STPG2: variants seen among roughly 807,000 people sequenced by gnomAD.
STPG2 encodes the protein sperm tail PG-rich repeat containing 2.
A neutral mutation model predicts 54.2 loss-of-function variants in STPG2; 56 were observed. The observed-to-expected ratio is 1.03, with a 90% CI of 0.83 to 1.29. The LOEUF (loss-of-function observed/expected upper bound fraction) is 1.29, where lower values mean the gene tolerates loss of function less well. STPG2 is among the 50% of genes most tolerant of loss of function. STPG2 has a pLI of 0.00. For missense variants in STPG2, 596 were observed against 544.9 expected (o/e 1.09, Z -0.93); for synonymous variants, 200 against 181.8 (o/e 1.10, Z -0.81).
intron 8 of STPG2, among the ~76,000 whole-genome samples, chr4:97,851,924 A>C (rs1729171375): frequency 6.6e-6 from 1 of 152,228 alleles, no homozygotes; most frequent in Non-Finnish European, 1.5e-5. Context: ...AATGCTACTG[A>C]GGCAGAGAAT....
intron 5 of STPG2, among the ~76,000 whole-genome samples, chr4:98,005,245 T>G (rs536816281): frequency 6.6e-6 from 1 of 152,248 alleles, no homozygotes; most frequent in East Asian, 1.9e-4. Flanking sequence ...CCACCCAGAT[T>G]AGGGGTGGGT....
chr4:97,789,469 C>G (rs1726926208), intron 9 of STPG2, among the ~76,000 whole-genome samples: 1 of 151,954 alleles, frequency 6.6e-6, no homozygotes, highest in Non-Finnish European at 1.5e-5. Context: ...CTCCTTTTGC[C>G]TCTTGGTTTC....
chr4:97,784,330 A>G (rs1477304073), intron 9 of STPG2, among the ~76,000 whole-genome samples: 1 of 152,128 alleles, frequency 6.6e-6, no homozygotes, highest in African/African-American at 2.4e-5. Context: ...TTACTAAAAG[A>G]CTATTTGTTA....
intron 9 of STPG2, among the ~76,000 whole-genome samples, chr4:97,836,829 T>C (rs2149117866): frequency 6.7e-6 from 1 of 149,882 alleles, no homozygotes; most frequent in South Asian, 2.1e-4. Flanking sequence ...AATTAATAAT[T>C]AATATTAACA....
At chr4:97,904,395 T>C (rs960164442) in intron 8 of STPG2, among the ~76,000 whole-genome samples, 1 of 152,212 alleles carries the variant, frequency 6.6e-6, no homozygotes, top group Non-Finnish European at 1.5e-5. Flanking sequence ...CTGAGGGTCC[T>C]GTCTGTTAAA....
chr4:97,857,835 CAA>C (rs900561238), intron 8 of STPG2, among the ~76,000 whole-genome samples: 8 of 151,798 alleles, frequency 5.3e-5, no homozygotes, highest in Non-Finnish European at 1.2e-4. Flanking sequence ...ATAAATTTAA[CAA>C]AGAGATTATA....
chr4:97,866,673 TTTC>T (rs1206440333), intron 8 of STPG2, among the ~76,000 whole-genome samples: 1 of 152,020 alleles, frequency 6.6e-6, no homozygotes, highest in Non-Finnish European at 1.5e-5. Context: ...TAAACTTTTT[TTTC>T]AACTTTCTTC....
chr4:97,999,877 T>G (rs1735359360), intron 5 of STPG2, among the ~76,000 whole-genome samples: 1 of 152,182 alleles, frequency 6.6e-6, no homozygotes, highest in Non-Finnish European at 1.5e-5. Context: ...ATCTGTATAT[T>G]TGGAAGTGAT....
intron 4 of STPG2, among the ~76,000 whole-genome samples, chr4:97,459,363 C>A (rs1729601929): frequency 6.6e-6 from 1 of 151,096 alleles, no homozygotes; most frequent in African/African-American, 2.4e-5. Context: ...ATTCTGGTTA[C>A]AATTCATCTT....
chr4:97,924,486 G>A (rs1049342003), intron 8 of STPG2, among the ~76,000 whole-genome samples: 1 of 152,040 alleles, frequency 6.6e-6, no homozygotes. Flanking sequence ...ATTCTGAATT[G>A]GTCAAAGTAT....
chr4:97,536,590 T>A (rs1343822572), intron 4 of STPG2, among the ~76,000 whole-genome samples: 2 of 152,180 alleles, frequency 1.3e-5, no homozygotes, highest in Non-Finnish European at 2.9e-5. Context: ...GGCTAGTGCA[T>A]ACCAAGCAAG....
At chr4:98,082,053 G>T (rs1031697655) in intron 5 of STPG2, among the ~76,000 whole-genome samples, 2 of 152,172 alleles carry the variant, frequency 1.3e-5, no homozygotes, top group African/African-American at 4.8e-5. Flanking sequence ...AGAAAGTTAT[G>T]AAGACAGTCA....
chr4:97,729,577 G>A (rs746186258), intron 9 of STPG2, among the ~76,000 whole-genome samples: 1 of 152,146 alleles, frequency 6.6e-6, no homozygotes, highest in Non-Finnish European at 1.5e-5. Flanking sequence ...TTTGAGGGAG[G>A]AGTTCTTTCC....
chr4:97,588,534 T>C (rs960544710), intron 10 of STPG2, among the ~76,000 whole-genome samples: 1 of 152,030 alleles, frequency 6.6e-6, no homozygotes, highest in Non-Finnish European at 1.5e-5. Flanking sequence ...TAAAAAGGAA[T>C]CATTTTCACC....
chr4:98,014,915 TA>T (rs1178370238), intron 5 of STPG2, among the ~76,000 whole-genome samples: 2 of 152,138 alleles, frequency 1.3e-5, no homozygotes, highest in Admixed American at 1.3e-4. Context: ...TTTCAGCATT[TA>T]AAATATATCA....
intron 10 of STPG2, among the ~76,000 whole-genome samples, chr4:97,598,327 AT>A (rs1733355805): frequency 6.6e-6 from 1 of 152,150 alleles, no homozygotes; most frequent in African/African-American, 2.4e-5. Context: ...CAGTTTATAG[AT>A]TCAACACTAT....
At chr4:98,097,849 A>C (rs1307305232) in intron 5 of STPG2, among the ~76,000 whole-genome samples, 1 of 152,120 alleles carries the variant, frequency 6.6e-6, no homozygotes, top group East Asian at 1.9e-4. Flanking sequence ...AGAAGAAATC[A>C]AAAAAAGTAA....
At chr4:97,934,775 T>C (rs1732687561) in intron 8 of STPG2, among the ~76,000 whole-genome samples, 1 of 152,174 alleles carries the variant, frequency 6.6e-6, no homozygotes, top group South Asian at 2.1e-4. Flanking sequence ...TTATTGAGGA[T>C]TTTTGCATCT....
intron 10 of STPG2, among the ~76,000 whole-genome samples, chr4:97,577,020 C>T (rs1275260746): frequency 6.6e-6 from 1 of 152,088 alleles, no homozygotes; most frequent in Non-Finnish European, 1.5e-5. Flanking sequence ...CAGAGAAATG[C>T]AGATTGAAAC....
Sources: gnomAD v4.1 joint callset for allele counts (sites outside exome capture counted in the v4.1 genomes callset) on GRCh38, gnomAD v4.1.1 for gene constraint, MANE v1.5 for transcripts, NCBI Gene and HGNC (gene_info 2026-07-23, HGNC 2026-07-21) for gene names.